RADIL: variants seen among roughly 807,000 people sequenced by gnomAD.
RADIL encodes Rap associating with DIL domain, also known as ras-associating and dilute domain-containing protein.
A neutral mutation model predicts 97.6 loss-of-function variants in RADIL; 99 were observed. The observed-to-expected ratio is 1.01, with a 90% CI of 0.86 to 1.20. The LOEUF is 1.20. RADIL is among the 50% of genes most tolerant of loss of function. RADIL has a pLI of 0.00. For synonymous variants in RADIL, 803 were observed against 691.8 expected, an observed-to-expected ratio of 1.16 and a Z score of -2.52; for missense variants, 1,765 against 1,498.9, an observed-to-expected ratio of 1.18 and a Z score of -2.93.
chr7:4,859,696 G>T, intron 2 of RADIL: 1 of 579,374 alleles, frequency 1.7e-6, no homozygotes, highest in Non-Finnish European at 3.1e-6. Flanking sequence ...CTGAATTCTT[G>T]ATAACAGGAA....
chr7:4,845,869 G>C (rs1201806870), intron 2 of RADIL, among the ~76,000 whole-genome samples: 1 of 152,188 alleles, frequency 6.6e-6, no homozygotes, highest in African/African-American at 2.4e-5. Context: ...GCTCTCCGGG[G>C]CTGTGCCGAG....
chr7:4,840,594 G>C lies in RADIL; in HGVS notation c.536-3989C>G, dbSNP rs570344255. Among the ~76,000 whole-genome samples the C allele has an allele frequency of 7.2e-5, 11 of 152,168 alleles. No homozygotes were observed. Among genetic ancestry groups the C allele is most frequent in the African/African-American group, 2.7e-4 (11 of 41,440 alleles). On this transcript the variant is annotated intron_variant, in intron 2 of 14. Transcript: ENST00000399583. This position sits in a 1 kb window ranked among gnomAD's most constrained non-coding sequence, Gnocchi z 5.6. ...AGGTGTGCTCTTTGCCAAGAACAGGGTCACCCCAGGGGCCCTTATGCTACC... is the reference window on the plus strand; with the variant it reads ...AGGTGTGCTCTTTGCCAAGAACAGGCTCACCCCAGGGGCCCTTATGCTACC...
At chr7:4,865,727 T>G (rs887284750) in intron 2 of RADIL, 2 of 1,073,038 alleles carry the variant, frequency 1.9e-6, no homozygotes, top group Non-Finnish European at 2.9e-6. Context: ...ACGGGGTGGG[T>G]GCAATCAAGA....
chr7:4,831,917 T>C (rs1358753823), intron 5 of RADIL, among the ~76,000 whole-genome samples: 1 of 151,888 alleles, frequency 6.6e-6, no homozygotes, highest in East Asian at 1.9e-4. Context: ...AAAGAAGACC[T>C]CACCCATCCA....
At chr7:4,809,045 G>C in intron 9 of RADIL, 3 of 867,638 alleles carry the variant, frequency 3.5e-6, no homozygotes, top group Non-Finnish European at 3.9e-6. Context: ...CGACGCCACT[G>C]CCCCCCCGTT....
rs538075675 is a variant in RADIL at position 4,840,884 on chromosome 7, T to G, written c.536-4279A>C. 6.6e-5 allele frequency among the ~76,000 whole-genome samples: 10 copies of G among 152,230 alleles called. No individual in the cohort carries two copies. In the South Asian group the frequency reaches 1.5e-3, roughly 22 times the overall value. On this transcript the variant is annotated intron_variant, in intron 2 of 14. Transcript: ENST00000399583. This position sits in a 1 kb window ranked among gnomAD's most constrained non-coding sequence, Gnocchi z 5.6. ...CGAGAGGCTGAGGCAGGAGAATGGC[T>G]TGAACCCAGGAGGTGGAGGTTGCAG...
Position 4,799,411 on chromosome 7 carries a change from G to C in RADIL, c.3195C>G (p.Ala1065=), listed in dbSNP as rs368869831. 1.2e-6 allele frequency: 2 copies of C among 1,613,708 alleles called. No homozygotes were observed. The highest frequency in any genetic ancestry group is 1.7e-6 in the Non-Finnish European group (2 of 1,180,000). ...GGGGCGTGCGGAAATGGATCTTCTT[G>C]GCTGTTTCCACGTCGGACTTCGCGA... The part of the protein sequence containing the change: ...FLVAKSDVET[A]KKIHFRTPPL Residue 1065 remains alanine (A), a synonymous_variant, in exon 15 of 15, where the codon GCC becomes GCG. Coordinates refer to ENST00000399583, the MANE Select transcript of RADIL (RefSeq NM_018059.5).
In RADIL at chr7:4,877,828, G is replaced by T. The variant is rs890510496; in HGVS notation, c.312C>A (p.Pro104=). The T allele has an allele frequency of 6.2e-7, 1 of 1,608,120 alleles. No individual in the cohort carries two copies. The part of the protein sequence containing the change: ...KEALERYALD[P]RQAGQYVLCD... ...ACAGCACGTACTGGCCGGCCTGCCTGGGGTCCAGGGCGTACCGCTCCAGCG... is the reference window on the plus strand; with the variant it reads ...ACAGCACGTACTGGCCGGCCTGCCTTGGGTCCAGGGCGTACCGCTCCAGCG... The change falls in exon 2 of 15, where the codon CCC becomes CCA. Residue 104 remains proline (P), a synonymous_variant. Coordinates refer to ENST00000399583, the MANE Select transcript of RADIL (RefSeq NM_018059.5).
intron 10 of RADIL, among the ~76,000 whole-genome samples, chr7:4,804,289 T>C (rs1782218993): frequency 6.6e-6 from 1 of 152,148 alleles, no homozygotes; most frequent in African/African-American, 2.4e-5. Flanking sequence ...GCCACAGAAA[T>C]GAATCAATGC....
At chr7:4,876,171 T>C (rs1449049509) in intron 2 of RADIL, among the ~76,000 whole-genome samples, 1 of 150,714 alleles carries the variant, frequency 6.6e-6, no homozygotes, top group Non-Finnish European at 1.5e-5. Flanking sequence ...TTATTTTTTG[T>C]AGAGATGGGG....
rs953623562 is a variant in RADIL at position 4,813,243 on chromosome 7, A to T, written c.2139+2035T>A. The stretch of plus-strand genomic sequence containing the variant: ...ATCCTCCTACCTCAACCTCCCAAGT[A>T]GCTGGCACTACAGGCGTTTGCCCCA... On this transcript the variant is annotated intron_variant, in intron 9 of 14. Transcript: ENST00000399583. The surrounding 1 kb of genome is among the most constrained non-coding windows in gnomAD (Gnocchi z 5.0). 1.3e-5 allele frequency among the ~76,000 whole-genome samples: 2 copies of T among 152,066 alleles called. No homozygotes were observed. Among genetic ancestry groups the T allele is most frequent in the African/African-American group, 2.4e-5 (1 of 41,380 alleles).
At chr7:4,832,279 G>A (rs1434193670) in intron 4 of RADIL, 101 bp from the exon 5 acceptor site, 4 of 1,174,182 alleles carry the variant, frequency 3.4e-6, no homozygotes, top group Non-Finnish European at 5.0e-6. Flanking sequence ...AAGCCATGCT[G>A]CCCCAGGCAT....
In RADIL at chr7:4,837,963, C is replaced by T; in HGVS notation, c.536-1358G>A. The T allele has an allele frequency of 1.0e-6, 1 of 985,392 alleles. No individual in the cohort carries two copies. The highest frequency in any genetic ancestry group is 1.2e-6 in the Non-Finnish European group (1 of 829,930). The allele number at this position is 985,392 out of a possible 1,614,324, so 61.0% of individuals were successfully genotyped here. Reference sequence around the variant, plus strand: ...CATTCCCAATAAAACCAAACAAAAGCCGGATGGAGGGAGGCGTCAGCTGGC... The same window carrying T: ...CATTCCCAATAAAACCAAACAAAAGTCGGATGGAGGGAGGCGTCAGCTGGC... On this transcript the variant is annotated intron_variant, in intron 2 of 14. Transcript: ENST00000399583. The surrounding 1 kb of genome is among the most constrained non-coding windows in gnomAD (Gnocchi z 5.6).
chr7:4,841,055 C>T (rs546273515), intron 2 of RADIL, among the ~76,000 whole-genome samples: 1 of 152,338 alleles, frequency 6.6e-6, no homozygotes, highest in South Asian at 2.1e-4. Context: ...ACGGCCGCAG[C>T]CTTTCATAAC....
chr7:4,829,502 G>T (rs763376992), intron 5 of RADIL, among the ~76,000 whole-genome samples: 4 of 152,170 alleles, frequency 2.6e-5, no homozygotes, highest in Non-Finnish European at 5.9e-5. Context: ...ACCCAGGGTG[G>T]ACATCAGCAG....
At chr7:4,809,053 G>T in intron 9 of RADIL, 3 of 874,622 alleles carry the variant, frequency 3.4e-6, no homozygotes, top group South Asian at 1.1e-4. Context: ...CTGCCCCCCC[G>T]TTCCAATGCC....
At position 4,834,480 on chromosome 7, in the gene RADIL, G is replaced by A. The variant is rs1442830972; in HGVS notation, c.1416+127C>T. ...GCGACAGGCAGGGAAAGGCCGCCCT[G>A]CGCTCAGCAGCACAGCACCGTGGGG... On this transcript the variant is annotated intron_variant, in intron 4 of 14. Transcript: ENST00000399583. The surrounding 1 kb of genome is among the most constrained non-coding windows in gnomAD (Gnocchi z 6.0). 5 of 1,120,700 alleles carry A rather than the reference G, an allele frequency of 4.5e-6. No homozygotes were observed. Among genetic ancestry groups the A allele is most frequent in the Non-Finnish European group, 5.6e-6 (5 of 886,640 alleles). 69.4% of individuals were successfully genotyped at this position (1,120,700 alleles called of 1,614,324 possible). A position where few individuals can be genotyped will look rare whatever the true frequency, so the allele number is the denominator to read the frequency against.
Position 4,849,683 on chromosome 7 carries a change from G to T in RADIL, c.536-13078C>A, listed in dbSNP as rs1783661691. ...GGGGTGCCACATCACCAATCCTCTT[G>T]AGGACAAAGAAAATGATACTGTGTG... On this transcript the variant is annotated intron_variant, in intron 2 of 14. Coordinates refer to ENST00000399583, the MANE Select transcript of RADIL (RefSeq NM_018059.5). The surrounding 1 kb of genome is among the most constrained non-coding windows in gnomAD (Gnocchi z 5.4). 1.3e-5 allele frequency among the ~76,000 whole-genome samples: 2 copies of T among 152,162 alleles called. No homozygotes were observed. The highest frequency in any genetic ancestry group is 4.1e-4 in the South Asian group (2 of 4,824).
In RADIL at chr7:4,842,071, T is replaced by C. The variant is rs571247362; in HGVS notation, c.536-5466A>G. Among the ~76,000 whole-genome samples, 5 of 147,470 alleles carry C rather than the reference T, an allele frequency of 3.4e-5. No individual in the cohort carries two copies. The highest frequency in any genetic ancestry group is 7.5e-5 in the Non-Finnish European group (5 of 67,042). On this transcript the variant is annotated intron_variant, in intron 2 of 14. Coordinates refer to ENST00000399583, the MANE Select transcript of RADIL (RefSeq NM_018059.5). This position sits in a 1 kb window ranked among gnomAD's most constrained non-coding sequence, Gnocchi z 4.5. ...CCCTGTCTCCAAAAAAAAAAAAAGA[T>C]GCAACAAGGCCAGAGGCTGGAATAG...
Sources: gnomAD v4.1 joint callset for allele counts (sites outside exome capture counted in the v4.1 genomes callset) on GRCh38, gnomAD v4.1.1 for gene constraint, Gnocchi (gnomAD v3.1) non-coding constraint, MANE v1.5 for transcripts, NCBI Gene and HGNC (gene_info 2026-07-23, HGNC 2026-07-21) for gene names.